The following RHOT1 variants were observed in gnomAD, a reference collection of about 807,000 sequenced individuals.
RHOT1 encodes the protein mitochondrial Rho GTPase 1.
Under a neutral mutation model 95.3 loss-of-function variants are expected in RHOT1, and 27 were observed. The observed-to-expected ratio is 0.28, with a 90% CI of 0.21 to 0.39. The LOEUF is 0.39. Among genes scored for constraint, RHOT1 ranks in the 10% least tolerant of loss-of-function variants. RHOT1 has a pLI of 1.00. For synonymous variants in RHOT1, 227 were observed against 263.5 expected (o/e 0.86, Z 1.34); for missense variants, 578 against 786.7 (o/e 0.73, Z 3.17).
At chr17:32,163,376 G>A (rs2033738287) in intron 1 of RHOT1, among the ~76,000 whole-genome samples, 1 of 152,208 alleles carries the variant, frequency 6.6e-6, no homozygotes, top group African/African-American at 2.4e-5. Context: ...AAATGCAGAA[G>A]AATGATGAAT....
chr17:32,217,465 C>T (rs1567732485), intron 19 of RHOT1, among the ~76,000 whole-genome samples: 1 of 152,000 alleles, frequency 6.6e-6, no homozygotes, highest in Non-Finnish European at 1.5e-5. Context: ...AAAGTAGATA[C>T]AGAAAATACA....
At chr17:32,166,052 G>T (rs1431706191) in intron 1 of RHOT1, among the ~76,000 whole-genome samples, 2 of 151,884 alleles carry the variant, frequency 1.3e-5, no homozygotes, top group Non-Finnish European at 2.9e-5. Flanking sequence ...GCCAGGCATG[G>T]TGGCACATGC....
In RHOT1 at chr17:32,224,734, T is replaced by G. The variant is rs2039041912; in HGVS notation, c.*1T>G. On this transcript the variant is annotated 3_prime_UTR_variant, in exon 20 of 20. Transcript: ENST00000545287. ...CAAAGCATTATTGAAACAGCGATGA[T>G]ATAAAAAGAAATACTGTCCCTACCA... 8.8e-6 allele frequency: 14 copies of G among 1,582,538 alleles called. No individual in the cohort carries two copies. Among genetic ancestry groups the G allele is most frequent in the Non-Finnish European group, 1.2e-5 (14 of 1,153,936 alleles).
At chr17:32,216,249 T>G (rs1200613154) in intron 19 of RHOT1, among the ~76,000 whole-genome samples, 1 of 152,124 alleles carries the variant, frequency 6.6e-6, no homozygotes, top group Non-Finnish European at 1.5e-5. Context: ...TGTAACTTAG[T>G]CATTTTTTGA....
chr17:32,193,281 A>G, intron 10 of RHOT1, 37 bp downstream of exon 10: 1 of 1,392,524 alleles, frequency 7.2e-7, no homozygotes, highest in Non-Finnish European at 1.0e-6. Context: ...TTGAAACTTA[A>G]TATTTTCAAA....
At chr17:32,204,125 C>G (rs747406805) in intron 16 of RHOT1, 152 bp downstream of exon 16, 2 of 607,130 alleles carry the variant, frequency 3.3e-6, no homozygotes, top group South Asian at 4.3e-5. Flanking sequence ...CACGGTCTCA[C>G]TATGTTGCCC....
intron 1 of RHOT1, among the ~76,000 whole-genome samples, chr17:32,149,619 A>ATGTGTGTGTGTGTGTG (rs1422165602): frequency 4.5e-5 from 4 of 88,922 alleles, no homozygotes; most frequent in African/African-American, 2.3e-4. Flanking sequence ...ATATATATAT[A>ATGTGTGTGTGTGTGTG]TATATATATA....
chr17:32,192,727 A>G (rs1040849518), intron 9 of RHOT1, among the ~76,000 whole-genome samples: 3 of 148,258 alleles, frequency 2.0e-5, no homozygotes, highest in African/African-American at 7.5e-5. Context: ...GCTGTAGTGC[A>G]ATGGCGCCAT....
chr17:32,158,586 A>G (rs1488225596), intron 1 of RHOT1, among the ~76,000 whole-genome samples: 1 of 151,938 alleles, frequency 6.6e-6, no homozygotes, highest in African/African-American at 2.4e-5. Context: ...CAGCCTCCCT[A>G]GTAGCTAGGA....
chr17:32,204,124 A>G, intron 16 of RHOT1, 151 bp downstream of exon 16: 1 of 613,006 alleles, frequency 1.6e-6, no homozygotes, highest in Middle Eastern at 4.5e-4. Flanking sequence ...ACACGGTCTC[A>G]CTATGTTGCC....
chr17:32,149,635 A>ATATATATATATATGTGTGTG (rs1445281403), intron 1 of RHOT1, among the ~76,000 whole-genome samples: 9 of 59,094 alleles, frequency 1.5e-4, no homozygotes, highest in South Asian at 8.7e-4. Flanking sequence ...ATATATATAT[A>ATATATATATATATGTGTGTG]TGTGTGTGTG....
intron 6 of RHOT1, among the ~76,000 whole-genome samples, chr17:32,178,281 C>T (rs953806736): frequency 1.3e-5 from 2 of 151,398 alleles, no homozygotes; most frequent in African/African-American, 2.4e-5. Flanking sequence ...AACCTGCCTG[C>T]CTCGGGCTCC....
chr17:32,205,805 CA>C (rs922235973), intron 16 of RHOT1, among the ~76,000 whole-genome samples: 1 of 152,122 alleles, frequency 6.6e-6, no homozygotes, highest in African/African-American at 2.4e-5. Context: ...CTCAGTCTCC[CA>C]AAGTGCTGGG....
intron 1 of RHOT1, chr17:32,150,509 G>A (rs2032154522): frequency 7.5e-7 from 1 of 1,338,044 alleles, no homozygotes; most frequent in South Asian, 1.3e-5. Flanking sequence ...TTAAAGCCTT[G>A]CCTTATCATA....
intron 1 of RHOT1, among the ~76,000 whole-genome samples, chr17:32,166,811 C>G (rs1457444694): frequency 6.6e-6 from 1 of 152,162 alleles, no homozygotes; most frequent in Non-Finnish European, 1.5e-5. Context: ...TCTGCAATTC[C>G]TTCATTGAGG....
At chr17:32,203,652 T>G (rs1246727171) in intron 15 of RHOT1, among the ~76,000 whole-genome samples, 1 of 152,210 alleles carries the variant, frequency 6.6e-6, no homozygotes, top group East Asian at 1.9e-4. Context: ...GTAATACGGA[T>G]AGTTTCCTTC....
In RHOT1 at chr17:32,224,711, A is replaced by G; in HGVS notation, c.1958A>G (p.Lys653Arg). ...VFAVLGFAMY[K>R]ALLKQR The stretch of plus-strand genomic sequence containing the variant: ...GCAGTTTTGGGCTTTGCTATGTACA[A>G]AGCATTATTGAAACAGCGATGATAT... Residue 653 changes from lysine (K) to arginine (R), a missense_variant, in exon 20 of 20, where the codon AAA becomes AGA. By Grantham distance (26) the Lys-to-Arg change is conservative. Transcript: ENST00000545287. 1 of 1,609,644 alleles carries G rather than the reference A, an allele frequency of 6.2e-7. No homozygotes were observed. Among genetic ancestry groups the G allele is most frequent in the Non-Finnish European group, 8.5e-7 (1 of 1,176,882 alleles).
At chr17:32,192,102 G>A in intron 8 of RHOT1, 99 bp from the exon 9 acceptor site, 1 of 661,262 alleles carries the variant, frequency 1.5e-6, no homozygotes. Context: ...TTCCATGTTG[G>A]TTGTATTTGA....
chr17:32,224,580 C>T, intron 19 of RHOT1, 36 bp from the exon 20 acceptor site: 2 of 1,420,684 alleles, frequency 1.4e-6, no homozygotes, highest in South Asian at 1.2e-5. Flanking sequence ...TCATACTAAT[C>T]ATGTTTTAAA....
Sources: allele counts gnomAD v4.1 joint callset (sites outside exome capture counted in the v4.1 genomes callset), GRCh38; gene constraint gnomAD v4.1.1; transcripts MANE v1.5; gene names NCBI Gene and HGNC (gene_info 2026-07-23, HGNC 2026-07-21).